Variants in ERP29 observed in about 807,000 individuals in gnomAD.
The protein encoded by ERP29 is endoplasmic reticulum resident protein 29.
ERP29 carries 14 observed loss-of-function variants against 21.7 expected under a neutral mutation model. The ratio of observed to expected loss-of-function variants is 0.64; its 90% CI spans 0.43 to 1.01. The LOEUF (loss-of-function observed/expected upper bound fraction) is 1.01, where lower values mean the gene tolerates loss of function less well. Among genes scored for constraint, ERP29 ranks in the 50% least tolerant of loss-of-function variants. ERP29 has a pLI of 0.00. For synonymous variants in ERP29, 129 were observed against 139.1 expected (o/e 0.93, Z 0.51); for missense variants, 286 against 327.3 (o/e 0.87, Z 0.97).
At chr12:112,022,043 C>A in intron 2 of ERP29, 107 bp from the exon 3 acceptor site, 2 of 1,146,150 alleles carry the variant, frequency 1.7e-6, no homozygotes, top group Non-Finnish European at 2.5e-6. Context: ...TGAACCATTA[C>A]ACGGCCAAGA....
Position 112,022,826 on chromosome 12 carries a change from G to A in ERP29, c.*174G>A, listed in dbSNP as rs2078059249. The A allele has an allele frequency of 1.5e-6, 1 of 660,828 alleles. No individual in the cohort carries two copies. Among genetic ancestry groups the A allele is most frequent in the Non-Finnish European group, 2.5e-6 (1 of 395,226 alleles). The allele number at this position is 660,828 out of a possible 1,614,324, so 40.9% of individuals were successfully genotyped here. A position where few individuals can be genotyped will look rare whatever the true frequency, so the allele number is the denominator to read the frequency against. On this transcript the variant is annotated 3_prime_UTR_variant, in exon 3 of 3. Coordinates refer to ENST00000261735, the MANE Select transcript of ERP29 (RefSeq NM_006817.4). ...ATGCTAACATGACCATGCTTGGGAT[G>A]TCTCTAGCTGGTCTGGGGATAGCTG... is the stretch of plus-strand genomic sequence containing the variant.
At position 112,013,452 on chromosome 12, in the gene ERP29, A is replaced by C; in HGVS notation, c.-14A>C. On this transcript the variant is annotated 5_prime_UTR_variant, in exon 1 of 3. Coordinates refer to ENST00000261735, the MANE Select transcript of ERP29 (RefSeq NM_006817.4). The stretch of plus-strand genomic sequence containing the variant: ...CTATCGCTTACCTACCTCCCTCTGC[A>C]GGAACCCGGCGATATGGCTGCCGCT... The C allele has an allele frequency of 6.2e-7, 1 of 1,606,362 alleles. No homozygotes were observed. Among genetic ancestry groups the C allele is most frequent in the Non-Finnish European group, 8.5e-7 (1 of 1,176,360 alleles).
intron 1 of ERP29, among the ~76,000 whole-genome samples, chr12:112,018,495 G>A (rs911984350): frequency 6.6e-6 from 1 of 152,162 alleles, no homozygotes; most frequent in Admixed American, 6.5e-5. Flanking sequence ...GGGATCACTT[G>A]GATTAGGAAA....
At chr12:112,014,021 G>C (rs1462286229) in intron 1 of ERP29, among the ~76,000 whole-genome samples, 1 of 152,240 alleles carries the variant, frequency 6.6e-6, no homozygotes, top group Non-Finnish European at 1.5e-5. Flanking sequence ...TTGGCGGGGG[G>C]AAATGCAGGC....
rs180820862 is a variant in ERP29 at position 112,019,923 on chromosome 12, G to A, written c.283+29G>A. 2.2e-4 allele frequency: 351 copies of A among 1,612,728 alleles called. 1 individual carries two copies. Among genetic ancestry groups the A allele is most frequent in the Non-Finnish European group, 2.8e-4 (325 of 1,178,874 alleles). ...TGGACAAGTCCAGGACGGCTGGGGG[G>A]GCAGAGAGGGAGGAAGCTAGAAATC... On this transcript the variant is annotated intron_variant, in intron 2 of 2. Coordinates refer to ENST00000261735, the MANE Select transcript of ERP29 (RefSeq NM_006817.4).
At chr12:112,017,909 C>A (rs552955366) in intron 1 of ERP29, among the ~76,000 whole-genome samples, 8 of 151,500 alleles carry the variant, frequency 5.3e-5, no homozygotes, top group Middle Eastern at 3.4e-3. Context: ...CTCAGCCTCC[C>A]GAGTAGATGG....
rs2078059722 is a variant in ERP29, at chr12:112,022,872, G to A, written c.*220G>A. 1 of 569,244 alleles carries A rather than the reference G, an allele frequency of 1.8e-6. No individual in the cohort carries two copies. Among genetic ancestry groups the A allele is most frequent in the Non-Finnish European group, 3.1e-6 (1 of 321,708 alleles). 35.3% of individuals were successfully genotyped at this position (569,244 alleles called of 1,614,324 possible). ...AGCTGGAGCACTTACTCAGGTGGCT[G>A]GTGAAATGACACCTCAGAAGGAATG... On this transcript the variant is annotated 3_prime_UTR_variant, in exon 3 of 3. Coordinates refer to ENST00000261735, the MANE Select transcript of ERP29 (RefSeq NM_006817.4).
chr12:112,014,939 T>A (rs2136775316), intron 1 of ERP29: 1 of 152,344 alleles, frequency 6.6e-6, no homozygotes, highest in Admixed American at 6.5e-5. Flanking sequence ...ATCCCAGCAC[T>A]TTGGGAGGCT....
rs758300624 is a variant in ERP29, at chr12:112,013,429, A to G, written c.-37A>G. ...CCGCTGACTCGGGGCGTTCTCCACT[A>G]TCGCTTACCTACCTCCCTCTGCAGG... On this transcript the variant is annotated 5_prime_UTR_variant, in exon 1 of 3. Coordinates refer to ENST00000261735, the MANE Select transcript of ERP29 (RefSeq NM_006817.4). 1.2e-5 allele frequency: 19 copies of G among 1,587,306 alleles called. No homozygotes were observed. Among genetic ancestry groups the G allele is most frequent in the Admixed American group, 1.8e-5 (1 of 55,902 alleles).
chr12:112,015,572 G>A (rs988017002), intron 1 of ERP29, among the ~76,000 whole-genome samples: 7 of 152,024 alleles, frequency 4.6e-5, no homozygotes, highest in African/African-American at 1.7e-4. Context: ...TGCTTTGGGG[G>A]CCTTTACTGG....
chr12:112,021,058 G>A (rs2078041634), intron 2 of ERP29, among the ~76,000 whole-genome samples: 1 of 152,244 alleles, frequency 6.6e-6, no homozygotes, highest in South Asian at 2.1e-4. Flanking sequence ...TCGTTAGGAA[G>A]GATGTTGCAG....
intron 2 of ERP29, among the ~76,000 whole-genome samples, chr12:112,020,125 G>C (rs1161115880): frequency 6.6e-6 from 1 of 152,080 alleles, no homozygotes; most frequent in African/African-American, 2.4e-5. Context: ...GAAGGGAAGG[G>C]AACCCCTCTT....
rs138489099 is a variant in ERP29 at position 112,013,480 on chromosome 12, G to T, written c.15G>T (p.Val5=). 254 of 1,612,496 alleles carry T rather than the reference G, an allele frequency of 1.6e-4. No homozygotes were observed. Among genetic ancestry groups the T allele is most frequent in the African/African-American group, 7.9e-4 (59 of 74,968 alleles). ...AACCCGGCGATATGGCTGCCGCTGT[G>T]CCCCGCGCCGCATTTCTCTCCCCGC... The part of the protein sequence containing the change: MAAA[V]PRAAFLSPLL... The change falls in exon 1 of 3, where the codon GTG becomes GTT. Residue 5 remains valine (V), a synonymous_variant. Coordinates refer to ENST00000261735, the MANE Select transcript of ERP29 (RefSeq NM_006817.4).
At chr12:112,016,209 G>T (rs1352641271) in intron 1 of ERP29, among the ~76,000 whole-genome samples, 1 of 152,204 alleles carries the variant, frequency 6.6e-6, no homozygotes, top group African/African-American at 2.4e-5. Flanking sequence ...TAACTATTTT[G>T]TTGCGTGAAT....
chr12:112,013,672 G>T lies in ERP29; in HGVS notation c.144+63G>T, dbSNP rs560277458. 1.0e-4 allele frequency: 153 copies of T among 1,457,268 alleles called. 2 individuals are homozygous for T. In the South Asian group the frequency reaches 2.0e-3, roughly 19 times the overall value. 90.3% of individuals were successfully genotyped at this position (1,457,268 alleles called of 1,614,324 possible). The stretch of plus-strand genomic sequence containing the variant: ...GGGGCGCCCGGAAGAGCGCGCGCCC[G>T]TGGGGAGACGCTGGATTCCGGGAGC... On this transcript the variant is annotated intron_variant, in intron 1 of 2. Coordinates refer to ENST00000261735, the MANE Select transcript of ERP29 (RefSeq NM_006817.4).
chr12:112,022,923 G>C lies in ERP29; in HGVS notation c.*271G>C. 2 of 404,522 alleles carry C rather than the reference G, an allele frequency of 4.9e-6. No individual in the cohort carries two copies. The highest frequency in any genetic ancestry group is 4.0e-5 in the Admixed American group (1 of 24,738). 25.1% of individuals were successfully genotyped at this position (404,522 alleles called of 1,614,324 possible). A position where few individuals can be genotyped will look rare whatever the true frequency, so the allele number is the denominator to read the frequency against. ...AGTGCTATAGAGAGGAGAGAGGAGT[G>C]TACTGCCCAGGTCTTTGACAGATGT... is the stretch of plus-strand genomic sequence containing the variant. On this transcript the variant is annotated 3_prime_UTR_variant, in exon 3 of 3. Coordinates refer to ENST00000261735, the MANE Select transcript of ERP29 (RefSeq NM_006817.4).
At chr12:112,019,537 T>C in intron 1 of ERP29, 2 of 582,336 alleles carry the variant, frequency 3.4e-6, no homozygotes. Context: ...ATATCTTTGA[T>C]TAGTGTGAAC....
intron 2 of ERP29, 25 bp downstream of exon 2, chr12:112,019,919 G>A (rs190672047): frequency 6.8e-6 from 11 of 1,613,276 alleles, no homozygotes; most frequent in South Asian, 6.6e-5. Flanking sequence ...AGGACGGCTG[G>A]GGGGGCAGAG....
At chr12:112,021,801 C>T (rs1285692528) in intron 2 of ERP29, among the ~76,000 whole-genome samples, 5 of 152,098 alleles carry the variant, frequency 3.3e-5, no homozygotes, top group African/African-American at 1.2e-4. Flanking sequence ...GCTGGGATTA[C>T]AGGCATGAGC....
Sources: gnomAD v4.1 joint callset for allele counts (sites outside exome capture counted in the v4.1 genomes callset) on GRCh38, gnomAD v4.1.1 for gene constraint, MANE v1.5 for transcripts, NCBI Gene and HGNC (gene_info 2026-07-23, HGNC 2026-07-21) for gene names.